Variants in FAM98B observed in about 807,000 individuals in gnomAD.
FAM98B encodes tRNA splicing ligase complex subunit 3B, also known as tRNA-splicing ligase complex subunit FAM98B.
A neutral mutation model predicts 43.9 loss-of-function variants in FAM98B; 32 were observed. The observed-to-expected ratio is 0.73, with a 90% CI of 0.55 to 0.98. The LOEUF (loss-of-function observed/expected upper bound fraction) is 0.98, where lower values mean the gene tolerates loss of function less well. Among genes scored for constraint, FAM98B ranks in the 50% least tolerant of loss-of-function variants. The pLI, the probability that FAM98B is intolerant of heterozygous loss-of-function variation, is 0.00. For missense variants in FAM98B, 514 were observed against 522.9 expected (o/e 0.98, Z 0.17); for synonymous variants, 190 against 174.0 (o/e 1.09, Z -0.72).
At chr15:38,473,653 G>T (rs1890156691) in intron 5 of FAM98B, 68 bp downstream of exon 5, 2 of 1,275,206 alleles carry the variant, frequency 1.6e-6, no homozygotes, top group South Asian at 2.8e-5. Context: ...TTTTATAAAT[G>T]AACATCTATT....
intron 1 of FAM98B, among the ~76,000 whole-genome samples, chr15:38,457,695 A>G (rs890814916): frequency 1.3e-5 from 2 of 152,088 alleles, no homozygotes; most frequent in African/African-American, 4.8e-5. Context: ...TAATGGCAAG[A>G]ATAGAGGTGG....
intron 3 of FAM98B, among the ~76,000 whole-genome samples, chr15:38,468,008 A>G (rs1890064908): frequency 6.6e-6 from 1 of 152,166 alleles, no homozygotes; most frequent in Non-Finnish European, 1.5e-5. Context: ...CAAGAAATTA[A>G]TGGTGATTGC....
chr15:38,457,064 A>G (rs945435857), intron 1 of FAM98B, among the ~76,000 whole-genome samples: 2 of 152,246 alleles, frequency 1.3e-5, no homozygotes, highest in East Asian at 3.8e-4. Context: ...AGATTGGAGA[A>G]TTTAGTTAAT....
chr15:38,461,056 T>A (rs1470112142), intron 1 of FAM98B, among the ~76,000 whole-genome samples: 3 of 152,196 alleles, frequency 2.0e-5, no homozygotes, highest in Non-Finnish European at 4.4e-5. Flanking sequence ...AGCTAAGGCA[T>A]TAAAGATTGG....
chr15:38,462,550 T>A (rs1404205958), intron 1 of FAM98B, among the ~76,000 whole-genome samples: 1 of 152,204 alleles, frequency 6.6e-6, no homozygotes, highest in Non-Finnish European at 1.5e-5. Flanking sequence ...TATAAAAAAA[T>A]TAAACTGTAA....
In FAM98B at chr15:38,462,000, G is replaced by A. The variant is rs554835254; in HGVS notation, c.72-2032G>A. 2.6e-5 allele frequency among the ~76,000 whole-genome samples: 4 copies of A among 152,126 alleles called. No homozygotes were observed. The South Asian group carries it at 8.3e-4, about 32-fold the overall frequency. ...GCCAAACTATATTAACAAAACACTG[G>A]AAACAATCCAAGTGTCCTTTAGTAG... is the stretch of plus-strand genomic sequence containing the variant. On this transcript the variant is annotated intron_variant, in intron 1 of 7. Coordinates refer to ENST00000397609, the MANE Select transcript of FAM98B (RefSeq NM_173611.4).
At position 38,465,136 on chromosome 15, in the gene FAM98B, G is replaced by A. The variant is rs182818970; in HGVS notation, c.218-133G>A. On this transcript the variant is annotated intron_variant, in intron 2 of 7. Transcript: ENST00000397609. ...TATTTCAGTTGTTAACGTAAGCTTC[G>A]TGATCACACATTTAAGGATTTAATG... is the stretch of plus-strand genomic sequence containing the variant. The A allele has an allele frequency of 1.7e-4, 138 of 791,346 alleles. 1 individual carries two copies. In the Middle Eastern group the frequency reaches 2.7e-3, roughly 15 times the overall value. The allele number at this position is 791,346 out of a possible 1,614,324, so 49.0% of individuals were successfully genotyped here.
chr15:38,454,657 G>T (rs1889820147), intron 1 of FAM98B, among the ~76,000 whole-genome samples: 1 of 152,178 alleles, frequency 6.6e-6, no homozygotes, highest in African/African-American at 2.4e-5. Flanking sequence ...TGGCTTACTT[G>T]GGGCTCTGGA....
chr15:38,478,361 A>G (rs571844056), intron 6 of FAM98B, among the ~76,000 whole-genome samples: 3 of 152,088 alleles, frequency 2.0e-5, no homozygotes, highest in African/African-American at 7.2e-5. Context: ...TAGACTATGC[A>G]TGGATCAGTT....
intron 5 of FAM98B, among the ~76,000 whole-genome samples, chr15:38,473,883 C>T (rs1260320028): frequency 6.6e-6 from 1 of 152,096 alleles, no homozygotes; most frequent in East Asian, 1.9e-4. Context: ...CCTTGTTGGT[C>T]CAGACTGCTT....
In FAM98B at chr15:38,486,402, C is replaced by A. The variant is rs1487967274; in HGVS notation, c.*1743C>A. ...ATTTCAAGAGTTGTTTAAAAATCTT[C>A]TTTAAAACCTTTACATTTCTGCCTC... On this transcript the variant is annotated 3_prime_UTR_variant, in exon 8 of 8. Transcript: ENST00000397609. 6.6e-6 allele frequency: 1 copy of A among 152,098 alleles called. No individual in the cohort carries two copies. The highest frequency in any genetic ancestry group is 1.5e-5 in the Non-Finnish European group (1 of 67,958). The allele number at this position is 152,098 out of a possible 1,614,324, so 9.4% of individuals were successfully genotyped here. A position where few individuals can be genotyped will look rare whatever the true frequency, so the allele number is the denominator to read the frequency against.
Position 38,481,304 on chromosome 15 carries a change from G to C in FAM98B, c.742G>C (p.Asp248His). ...TCTTGTCATTTAGGTAAAAACAGAT[G>C]ATATAGCAAGAATTTATCAGCCTAA... ...WSDRAKVKTD[D>H]IARIYQPKRY... Residue 248 changes from aspartate (D) to histidine (H), a missense_variant, in exon 7 of 8, where the codon GAT (aspartate) becomes CAT (histidine). Around this residue, in one of 2 missense-constraint regions of FAM98B, gnomAD observed 469 missense variants for 451.8 expected, o/e 1.04. Transcript: ENST00000397609. The C allele has an allele frequency of 6.2e-7, 1 of 1,613,566 alleles. No homozygotes were observed. Among genetic ancestry groups the C allele is most frequent in the Non-Finnish European group, 8.5e-7 (1 of 1,179,614 alleles).
intron 1 of FAM98B, among the ~76,000 whole-genome samples, chr15:38,459,889 A>G (rs1318193858): frequency 6.6e-6 from 1 of 152,260 alleles, no homozygotes; most frequent in Non-Finnish European, 1.5e-5. Context: ...TGTGTTGTAG[A>G]TGAAAGATAG....
At chr15:38,464,321 G>T in intron 2 of FAM98B, 144 bp downstream of exon 2, 1 of 751,970 alleles carries the variant, frequency 1.3e-6, no homozygotes, top group Non-Finnish European at 1.9e-6. Flanking sequence ...AAACATTTTT[G>T]GATTAAATTT....
chr15:38,474,165 G>C lies in FAM98B; in HGVS notation c.613-17G>C. On this transcript the variant is annotated splice_polypyrimidine_tract_variant and intron_variant, in intron 5 of 7. Coordinates refer to ENST00000397609, the MANE Select transcript of FAM98B (RefSeq NM_173611.4). ...AAAGAATCTAAAGTTTATTATTTTT[G>C]TTTCCAAATTTTTTAGGAACAACTG... 6.3e-7 allele frequency: 1 copy of C among 1,579,368 alleles called. No individual in the cohort carries two copies. Among genetic ancestry groups the C allele is most frequent in the Non-Finnish European group, 8.7e-7 (1 of 1,150,266 alleles).
chr15:38,462,508 T>C (rs1334732594), intron 1 of FAM98B, among the ~76,000 whole-genome samples: 1 of 152,244 alleles, frequency 6.6e-6, no homozygotes, highest in African/African-American at 2.4e-5. Context: ...GGAATTGTTT[T>C]TCTGTATATC....
At chr15:38,468,993 G>A (rs1890081566) in intron 3 of FAM98B, among the ~76,000 whole-genome samples, 2 of 152,082 alleles carry the variant, frequency 1.3e-5, no homozygotes, top group African/African-American at 2.4e-5. Context: ...TGCAACCTTC[G>A]CCTCTGGGTT....
intron 6 of FAM98B, among the ~76,000 whole-genome samples, chr15:38,475,465 C>T (rs1890183360): frequency 6.6e-6 from 1 of 152,166 alleles, no homozygotes; most frequent in Non-Finnish European, 1.5e-5. Flanking sequence ...TTCCTGGATC[C>T]TTTAGGGGAG....
intron 2 of FAM98B, 149 bp from the exon 3 acceptor site, chr15:38,465,120 T>G (rs1890008594): frequency 1.2e-5 from 8 of 644,180 alleles, no homozygotes; most frequent in Non-Finnish European, 2.0e-5. Flanking sequence ...CTATTTCAGT[T>G]GTTAACGTAA....
Sources: allele counts gnomAD v4.1 joint callset (sites outside exome capture counted in the v4.1 genomes callset), GRCh38; gene constraint gnomAD v4.1.1; regional missense constraint gnomAD v4.1.1; transcripts MANE v1.5; gene names NCBI Gene and HGNC (gene_info 2026-07-23, HGNC 2026-07-21).